KCNN3: variants seen among roughly 807,000 people sequenced by gnomAD.
KCNN3 encodes potassium calcium-activated channel subfamily N member 3.
In KCNN3, 16 loss-of-function variants were observed where a neutral mutation model predicts 62.9. That is an observed-to-expected ratio of 0.25 (90% CI 0.17 to 0.39). The LOEUF (loss-of-function observed/expected upper bound fraction) is 0.39. KCNN3 is among the 10% of genes least tolerant of loss of function. The pLI, the probability that KCNN3 is intolerant of heterozygous loss-of-function variation, is 1.00. For synonymous variants in KCNN3, 370 were observed against 389.2 expected (o/e 0.95, Z 0.58); for missense variants, 599 against 949.4 (o/e 0.63, Z 4.85).
At position 154,869,723 on chromosome 1, in the gene KCNN3, GGCT is replaced by G. The variant is rs3831942; in HGVS notation, c.239_241del (p.Gln80del). On this transcript the variant is annotated inframe_deletion, in exon 1 of 8. Coordinates refer to ENST00000271915, the MANE Select transcript of KCNN3 (RefSeq NM_002249.6). The surrounding 1 kb of genome is among the most constrained non-coding windows in gnomAD (Gnocchi z 6.1). ...GGCGAGCTGAGACAGGGGATGCGGT[GGCT>G]GCTGCTGCTGCTGCTGCTGCTGCTG... 64,936 of 1,505,328 alleles carry G rather than the reference GGCT, an allele frequency of 0.043. 408 individuals are homozygous for G. Among genetic ancestry groups the G allele is most frequent in the African/African-American group, 0.059 (4,072 of 68,820 alleles). 93.2% of individuals were successfully genotyped at this position (1,505,328 alleles called of 1,614,324 possible).
At chr1:154,741,132 G>A (rs1317262462) in intron 3 of KCNN3, among the ~76,000 whole-genome samples, 1 of 152,138 alleles carries the variant, frequency 6.6e-6, no homozygotes, top group Non-Finnish European at 1.5e-5. Flanking sequence ...TTTGCATATG[G>A]TGTGAGGCAG....
intron 5 of KCNN3, among the ~76,000 whole-genome samples, chr1:154,725,152 CATAGA>C (rs1700435235): frequency 6.6e-6 from 1 of 152,166 alleles, no homozygotes; most frequent in Non-Finnish European, 1.5e-5. Context: ...CCGCTCCCAG[CATAGA>C]ATGATTCTTT....
chr1:154,783,263 A>G (rs559654230), intron 2 of KCNN3, among the ~76,000 whole-genome samples: 1 of 152,262 alleles, frequency 6.6e-6, no homozygotes, highest in Admixed American at 6.5e-5. Context: ...CCCACCCTTT[A>G]AATGCTCATT....
At chr1:154,781,419 G>A (rs1331145204) in intron 2 of KCNN3, among the ~76,000 whole-genome samples, 2 of 152,218 alleles carry the variant, frequency 1.3e-5, no homozygotes, top group East Asian at 3.8e-4. Flanking sequence ...TCTCTGGGCT[G>A]TGGGGCCATT....
At chr1:154,825,345 AT>A (rs1651059527) in intron 1 of KCNN3, among the ~76,000 whole-genome samples, 2 of 150,060 alleles carry the variant, frequency 1.3e-5, no homozygotes, top group African/African-American at 4.9e-5. Context: ...TAGGAATTAT[AT>A]CCCATTTGAT....
In KCNN3 at chr1:154,732,986, G is replaced by A. The variant is rs1307645209; in HGVS notation, c.1590+17C>T. 2 of 1,613,898 alleles carry A rather than the reference G, an allele frequency of 1.2e-6. No individual in the cohort carries two copies. The highest frequency in any genetic ancestry group is 1.7e-6 in the Non-Finnish European group (2 of 1,179,908). On this transcript the variant is annotated intron_variant, in intron 4 of 7. Transcript: ENST00000271915. ...CCACATTTTAAGGGTAGGGAATGGG[G>A]AGAGGCGGGTACTCACCATGATGCC...
At chr1:154,776,414 G>A (rs1648792975) in intron 2 of KCNN3, among the ~76,000 whole-genome samples, 1 of 152,124 alleles carries the variant, frequency 6.6e-6, no homozygotes, top group Non-Finnish European at 1.5e-5. Context: ...AACAGTGTGT[G>A]TAAAGAGCGG....
At chr1:154,852,369 A>ATTTT (rs34939586) in intron 1 of KCNN3, among the ~76,000 whole-genome samples, 2 of 136,562 alleles carry the variant, frequency 1.5e-5, no homozygotes, top group South Asian at 4.7e-4. Flanking sequence ...CACCCAGCTA[A>ATTTT]TTTTTTTTTT....
Position 154,725,917 on chromosome 1 carries a change from C to T in KCNN3, c.1700G>A (p.Arg567Gln), listed in dbSNP as rs935918876. The change falls in exon 5 of 8, where the codon CGG (arginine) becomes CAG (glutamine). Residue 567 changes from arginine to glutamine, a missense_variant and splice_region_variant. Arg to Gln is a conservative substitution (Grantham distance 43). This residue lies in a region of KCNN3 where 288 missense variants were observed against 557.4 expected (regional missense o/e 0.52). Transcript: ENST00000271915. ...AGACATGGCTGTGTGGCATCTTACC[C>T]GCTTGGTGAGCTGAGTGTCCATCAT... ...NFMMDTQLTKRIKNAAANVLR... is the reference protein window; with the variant it reads ...NFMMDTQLTKQIKNAAANVLR... 23 of 1,612,572 alleles carry T rather than the reference C, an allele frequency of 1.4e-5. 1 individual carries two copies. The highest frequency in any genetic ancestry group is 5.5e-5 in the South Asian group (5 of 91,028).
At position 154,869,723 on chromosome 1, in the gene KCNN3, GGCTGCTGCTGCTGCTGCTGCTGCT is replaced by G. The variant is rs3831942; in HGVS notation, c.218_241del (p.Gln73_Gln80del). 79 of 1,506,420 alleles carry G rather than the reference GGCTGCTGCTGCTGCTGCTGCTGCT, an allele frequency of 5.2e-5. No individual in the cohort carries two copies. Among genetic ancestry groups the G allele is most frequent in the African/African-American group, 7.3e-5 (5 of 68,836 alleles). The allele number at this position is 1,506,420 out of a possible 1,614,324, so 93.3% of individuals were successfully genotyped here. On this transcript the variant is annotated inframe_deletion, in exon 1 of 8. Coordinates refer to ENST00000271915, the MANE Select transcript of KCNN3 (RefSeq NM_002249.6). The surrounding 1 kb of genome is among the most constrained non-coding windows in gnomAD (Gnocchi z 6.1). ...GGCGAGCTGAGACAGGGGATGCGGTGGCTGCTGCTGCTGCTGCTGCTGCTGCTGCTGCTGCTGCTGCTGAAGCTG... is the reference window on the plus strand; with the variant it reads ...GGCGAGCTGAGACAGGGGATGCGGTGGCTGCTGCTGCTGCTGCTGAAGCTG...
chr1:154,734,836 G>A (rs1413406660), intron 3 of KCNN3, among the ~76,000 whole-genome samples: 1 of 152,192 alleles, frequency 6.6e-6, no homozygotes, highest in African/African-American at 2.4e-5. Context: ...CGGAGACACT[G>A]GGTGACTTGC....
intron 3 of KCNN3, among the ~76,000 whole-genome samples, chr1:154,755,764 G>A (rs890296951): frequency 3.2e-5 from 2 of 61,616 alleles, no homozygotes; most frequent in African/African-American, 1.4e-4. Context: ...AGGAGGAGGA[G>A]AGGTGGAGGA....
intron 5 of KCNN3, among the ~76,000 whole-genome samples, chr1:154,720,668 G>A (rs187065269): frequency 3.9e-5 from 6 of 152,346 alleles, no homozygotes; most frequent in Non-Finnish European, 5.9e-5. Flanking sequence ...GATAGTAGGT[G>A]GGGAAACTAC....
At chr1:154,841,880 C>G (rs1651845453) in intron 1 of KCNN3, among the ~76,000 whole-genome samples, 1 of 152,234 alleles carries the variant, frequency 6.6e-6, no homozygotes. Flanking sequence ...CCTTCCTCAT[C>G]TGACAATGCC....
intron 1 of KCNN3, among the ~76,000 whole-genome samples, chr1:154,857,964 C>T (rs886825460): frequency 3.3e-5 from 5 of 152,184 alleles, no homozygotes; most frequent in African/African-American, 1.2e-4. Context: ...GCTGTGGACA[C>T]AGGCTTTCTT....
At position 154,787,328 on chromosome 1, in the gene KCNN3, A is replaced by ACCAGGG. The variant is rs749891862; in HGVS notation, c.1030-14941_1030-14936dup. On this transcript the variant is annotated intron_variant, in intron 2 of 7. Coordinates refer to ENST00000271915, the MANE Select transcript of KCNN3 (RefSeq NM_002249.6). ...CATTCCCTCCATTTGGGAGGGAGGGACCAGGGCCAGGGCCAGGGCCAGGGC... is the reference window on the plus strand; with the variant it reads ...CATTCCCTCCATTTGGGAGGGAGGGACCAGGGCCAGGGCCAGGGCCAGGGCCAGGGC... 2.3e-3 allele frequency among the ~76,000 whole-genome samples: 345 copies of ACCAGGG among 152,170 alleles called. 3 individuals carry two copies. Among genetic ancestry groups the ACCAGGG allele is most frequent in the African/African-American group, 7.7e-3 (318 of 41,508 alleles).
At chr1:154,800,232 A>T (rs1649899242) in intron 2 of KCNN3, among the ~76,000 whole-genome samples, 1 of 152,208 alleles carries the variant, frequency 6.6e-6, no homozygotes, top group African/African-American at 2.4e-5. Context: ...TCACAGCCAC[A>T]GTCTGGAATC....
At chr1:154,711,262 A>C (rs1232164353) in intron 7 of KCNN3, among the ~76,000 whole-genome samples, 1 of 145,468 alleles carries the variant, frequency 6.9e-6, no homozygotes, top group East Asian at 2.1e-4. Flanking sequence ...CAAACACCGC[A>C]TGTTCTCACT....
At position 154,766,088 on chromosome 1, in the gene KCNN3, C is replaced by T. The variant is rs574426967; in HGVS notation, c.1448+5887G>A. On this transcript the variant is annotated intron_variant, in intron 3 of 7. Coordinates refer to ENST00000271915, the MANE Select transcript of KCNN3 (RefSeq NM_002249.6). Reference sequence around the variant, plus strand: ...GGATCCCTGTCGCCTCCCCACCTTCCCCCTCCCCAGCCATCTATCTCTCCG... The same window carrying T: ...GGATCCCTGTCGCCTCCCCACCTTCTCCCTCCCCAGCCATCTATCTCTCCG... 1.2e-3 allele frequency among the ~76,000 whole-genome samples: 177 copies of T among 150,794 alleles called. 1 individual carries two copies. Among genetic ancestry groups the T allele is most frequent in the African/African-American group, 4.1e-3 (168 of 41,278 alleles).
Sources: gnomAD v4.1 joint callset for allele counts (sites outside exome capture counted in the v4.1 genomes callset) on GRCh38, gnomAD v4.1.1 for gene constraint, gnomAD v4.1.1 regional missense constraint, Gnocchi (gnomAD v3.1) non-coding constraint, MANE v1.5 for transcripts, NCBI Gene and HGNC (gene_info 2026-07-23, HGNC 2026-07-21) for gene names.